CTNNA2: variants seen among roughly 807,000 people sequenced by gnomAD.
The protein encoded by CTNNA2 is catenin alpha-2.
CTNNA2 carries 42 observed loss-of-function variants against 101.0 expected under a neutral mutation model. The observed-to-expected ratio is 0.42, with a 90% CI of 0.32 to 0.54. CTNNA2 has a LOEUF of 0.54. Ranked by LOEUF, CTNNA2 falls within the 20% of genes least tolerant of loss-of-function variation. The pLI, the probability that CTNNA2 is intolerant of heterozygous loss-of-function variation, is 0.14. For missense variants in CTNNA2, 871 were observed against 1,223.1 expected (o/e 0.71, Z 4.29); for synonymous variants, 450 against 456.4 (o/e 0.99, Z 0.18).
At chr2:80,407,957 T>C (rs1455273886) in intron 8 of CTNNA2, among the ~76,000 whole-genome samples, 2 of 152,152 alleles carry the variant, frequency 1.3e-5, no homozygotes, top group Non-Finnish European at 2.9e-5. Context: ...TGGTAAATGG[T>C]TTTCTGTTTT....
intron 10 of CTNNA2, 122 bp from the exon 11 acceptor site, chr2:80,545,785 C>T (rs775556918): frequency 5.7e-6 from 5 of 870,648 alleles, no homozygotes; most frequent in Non-Finnish European, 8.4e-6. Flanking sequence ...TCCTTCTGAA[C>T]ACCAAGAACC....
intron 7 of CTNNA2, among the ~76,000 whole-genome samples, chr2:80,034,498 C>A (rs982263029): frequency 6.6e-6 from 1 of 151,856 alleles, no homozygotes; most frequent in Admixed American, 6.6e-5. Flanking sequence ...GGACTACAGG[C>A]AACCACCACC....
At chr2:79,865,974 C>T (rs1044794873) in intron 4 of CTNNA2, among the ~76,000 whole-genome samples, 3 of 152,350 alleles carry the variant, frequency 2.0e-5, no homozygotes, top group Non-Finnish European at 4.4e-5. Context: ...CCGCCTCGGC[C>T]TCCCGAAGTG....
chr2:79,621,303 A>G (rs1678983430), intron 1 of CTNNA2, among the ~76,000 whole-genome samples: 1 of 152,168 alleles, frequency 6.6e-6, no homozygotes, highest in Non-Finnish European at 1.5e-5. Context: ...CCATTCTCCA[A>G]TAAAAGGAAC....
At chr2:79,750,954 C>T (rs557824813) in intron 3 of CTNNA2, among the ~76,000 whole-genome samples, 146 of 151,954 alleles carry the variant, frequency 9.6e-4, no homozygotes, top group African/African-American at 3.4e-3. Flanking sequence ...ATAGATATAT[C>T]CTATGCTAAA....
chr2:80,546,088 A>G, intron 11 of CTNNA2, 25 bp downstream of exon 11: 1 of 1,611,992 alleles, frequency 6.2e-7, no homozygotes, highest in Non-Finnish European at 8.5e-7. Flanking sequence ...CAGGTCCCTT[A>G]CAAGGCAGCT....
At chr2:80,522,026 C>T (rs1689600724) in intron 9 of CTNNA2, among the ~76,000 whole-genome samples, 1 of 152,202 alleles carries the variant, frequency 6.6e-6, no homozygotes, top group African/African-American at 2.4e-5. Flanking sequence ...CTCAACCTAA[C>T]AGTTACATAT....
chr2:79,903,171 G>A (rs997548823), intron 6 of CTNNA2, among the ~76,000 whole-genome samples: 1 of 152,074 alleles, frequency 6.6e-6, no homozygotes, highest in African/African-American at 2.4e-5. Context: ...TTTTATCTTT[G>A]TCTCCTTCTC....
rs1672530404 is a variant in CTNNA2, at chr2:80,260,568, TG to T, written c.1057-132642del. Among the ~76,000 whole-genome samples the T allele has an allele frequency of 2.0e-5, 3 of 152,256 alleles. No homozygotes were observed. The South Asian group carries it at 6.2e-4, about 32-fold the overall frequency. ...TTCTTATTTGGTTATTTCGTTGTTTTGTTTTTCAACGCGAGGCTTTCAGGTA... is the reference window on the plus strand; with the variant it reads ...TTCTTATTTGGTTATTTCGTTGTTTTTTTTTCAACGCGAGGCTTTCAGGTA... On this transcript the variant is annotated intron_variant, in intron 7 of 18. Coordinates refer to ENST00000402739, the MANE Select transcript of CTNNA2 (RefSeq NM_001282597.3).
chr2:79,502,670 C>T (rs1671332907), intron 4 of CTNNA2, among the ~76,000 whole-genome samples: 1 of 152,006 alleles, frequency 6.6e-6, no homozygotes, highest in Admixed American at 6.6e-5. Context: ...TATAATTATC[C>T]ATAGGAAAAT....
At chr2:80,158,480 A>G (rs1490614268) in intron 7 of CTNNA2, among the ~76,000 whole-genome samples, 1 of 152,244 alleles carries the variant, frequency 6.6e-6, no homozygotes, top group African/African-American at 2.4e-5. Context: ...AGTGAGATAC[A>G]GACTATGTCT....
chr2:79,583,281 T>G (rs1011828958), intron 1 of CTNNA2, among the ~76,000 whole-genome samples: 37 of 151,862 alleles, frequency 2.4e-4, no homozygotes, highest in Admixed American at 2.0e-4. Context: ...CTGTTTATCC[T>G]ATGGTTCATA....
chr2:80,607,924 T>C (rs1698158790), intron 16 of CTNNA2, among the ~76,000 whole-genome samples: 1 of 151,904 alleles, frequency 6.6e-6, no homozygotes, highest in South Asian at 2.1e-4. Flanking sequence ...GTAAAAATAC[T>C]CATAAACATG....
At chr2:80,067,395 TG>T (rs1265985522) in intron 7 of CTNNA2, among the ~76,000 whole-genome samples, 1 of 152,134 alleles carries the variant, frequency 6.6e-6, no homozygotes, top group African/African-American at 2.4e-5. Context: ...AATATAAACA[TG>T]TTTTATATAT....
chr2:80,056,383 T>C (rs1367647423), intron 7 of CTNNA2, among the ~76,000 whole-genome samples: 1 of 152,198 alleles, frequency 6.6e-6, no homozygotes, highest in Non-Finnish European at 1.5e-5. Context: ...TTATTCTGGG[T>C]GACCTTGTTT....
chr2:80,616,557 A>T (rs529905301), intron 17 of CTNNA2: 2 of 151,820 alleles, frequency 1.3e-5, no homozygotes, highest in African/African-American at 4.8e-5. Context: ...CCAGCCCTAC[A>T]TCTGTCTGGT....
At chr2:80,371,984 T>C (rs1675484429) in intron 7 of CTNNA2, among the ~76,000 whole-genome samples, 1 of 152,166 alleles carries the variant, frequency 6.6e-6, no homozygotes, top group African/African-American at 2.4e-5. Flanking sequence ...CCAGACTTAA[T>C]TGAACTAATA....
chr2:80,305,014 TC>T (rs940716449), intron 7 of CTNNA2: 1 of 961,420 alleles, frequency 1.0e-6, no homozygotes, highest in Non-Finnish European at 1.2e-6. Context: ...TTCTGTGCTC[TC>T]CCCCTTGCCT....
At chr2:80,319,947 T>C (rs567707081) in intron 7 of CTNNA2, among the ~76,000 whole-genome samples, 1 of 152,316 alleles carries the variant, frequency 6.6e-6, no homozygotes, top group East Asian at 1.9e-4. Flanking sequence ...TATCCAACTA[T>C]TTTGGGAGCA....
Sources: allele counts gnomAD v4.1 joint callset (sites outside exome capture counted in the v4.1 genomes callset), GRCh38; gene constraint gnomAD v4.1.1; transcripts MANE v1.5; gene names NCBI Gene and HGNC (gene_info 2026-07-23, HGNC 2026-07-21).